ADGRL3: variants seen among roughly 807,000 people sequenced by gnomAD.
ADGRL3 encodes the protein adhesion G protein-coupled receptor L3, also known as calcium-independent alpha-latrotoxin receptor 3.
ADGRL3 carries 62 observed loss-of-function variants against 153.5 expected under a neutral mutation model. The observed-to-expected ratio is 0.40, with a 90% confidence interval of 0.33 to 0.50. The LOEUF is 0.50. Ranked by LOEUF, ADGRL3 falls within the 20% of genes least tolerant of loss-of-function variation. The pLI is 0.47. For missense variants in ADGRL3, 1,641 were observed against 1,859.4 expected (o/e 0.88, Z 2.16); for synonymous variants, 710 against 672.5 (o/e 1.06, Z -0.86).
At chr4:61,927,596 T>A (rs1172500410) in intron 13 of ADGRL3, among the ~76,000 whole-genome samples, 1 of 152,148 alleles carries the variant, frequency 6.6e-6, no homozygotes, top group African/African-American at 2.4e-5. Context: ...TTATAAAAAG[T>A]ACCTTAGGTT....
chr4:61,393,439 T>G (rs1048459178), intron 2 of ADGRL3, among the ~76,000 whole-genome samples: 4 of 152,138 alleles, frequency 2.6e-5, no homozygotes, highest in Non-Finnish European at 4.4e-5. Context: ...AGATGTAATT[T>G]AGATTAAGCA....
At position 61,912,748 on chromosome 4, in the gene ADGRL3, C is replaced by T. The variant is rs1239702267; in HGVS notation, c.2103C>T (p.Ala701=). Residue 701 remains alanine (A), a synonymous_variant, in exon 13 of 27, where the codon GCC becomes GCT. Coordinates refer to ENST00000683033, the MANE Select transcript of ADGRL3 (RefSeq NM_001387552.1). ...AGAAAAGAGAGCGCTCTTGCAGAGC[C>T]TATGTCCAGGTACTTTCTGCGTTTT... ...KLQKRERSCR[A]YVQAMVETVN... The T allele has an allele frequency of 6.2e-7, 1 of 1,613,032 alleles. No individual in the cohort carries two copies. The highest frequency in any genetic ancestry group is 8.5e-7 in the Non-Finnish European group (1 of 1,179,350).
chr4:61,867,438 T>C (rs1175606920), intron 9 of ADGRL3, among the ~76,000 whole-genome samples: 2 of 148,666 alleles, frequency 1.3e-5, no homozygotes, highest in Non-Finnish European at 3.0e-5. Context: ...AGGTGGAGGT[T>C]GCAGCGCACC....
intron 1 of ADGRL3, among the ~76,000 whole-genome samples, chr4:61,249,412 C>T (rs1319319390): frequency 1.3e-5 from 2 of 152,104 alleles, no homozygotes; most frequent in South Asian, 2.1e-4. Flanking sequence ...TCTGGAGAGA[C>T]CAAAGCTCCT....
chr4:61,438,700 A>G (rs2097485512), intron 2 of ADGRL3, among the ~76,000 whole-genome samples: 1 of 119,080 alleles, frequency 8.4e-6, no homozygotes, highest in Non-Finnish European at 1.7e-5. Context: ...CTATGCTACG[A>G]TCTTTCTTTC....
At chr4:61,452,661 A>G (rs187163671) in intron 2 of ADGRL3, among the ~76,000 whole-genome samples, 2 of 152,212 alleles carry the variant, frequency 1.3e-5, no homozygotes, top group African/African-American at 4.8e-5. Flanking sequence ...CGAATCCTCT[A>G]TTTTTCTCAT....
intron 21 of ADGRL3, among the ~76,000 whole-genome samples, chr4:62,025,608 T>A (rs1314462694): frequency 6.6e-6 from 1 of 152,120 alleles, no homozygotes; most frequent in Non-Finnish European, 1.5e-5. Context: ...CGTTGTTGAT[T>A]GAGGAAAAGC....
intron 25 of ADGRL3, among the ~76,000 whole-genome samples, chr4:62,067,662 AAATG>A (rs1743699677): frequency 6.6e-6 from 1 of 152,096 alleles, no homozygotes; most frequent in Non-Finnish European, 1.5e-5. Flanking sequence ...AGGCGGGAAA[AAATG>A]AACACAATTA....
chr4:61,616,908 G>C (rs902766926), intron 5 of ADGRL3, among the ~76,000 whole-genome samples: 1 of 151,896 alleles, frequency 6.6e-6, no homozygotes, highest in African/African-American at 2.4e-5. Context: ...TTCTGCCTCA[G>C]CCTCCCAATT....
intron 25 of ADGRL3, among the ~76,000 whole-genome samples, chr4:62,051,700 T>A (rs1474736614): frequency 1.3e-5 from 2 of 151,648 alleles, no homozygotes; most frequent in African/African-American, 2.4e-5. Context: ...TTTTAAAAAT[T>A]GTATTTAATT....
chr4:61,573,914 T>C lies in ADGRL3; in HGVS notation c.260-13313T>C, dbSNP rs575505903. Among the ~76,000 whole-genome samples the C allele has an allele frequency of 7.9e-5, 12 of 152,186 alleles. No homozygotes were observed. In the East Asian group the frequency reaches 2.3e-3, roughly 29 times the overall value. ...TTTAACAACCGCTAACCTTTCTTTC[T>C]TGAAAGCTCAAGTGGCAGAATAGCA... On this transcript the variant is annotated intron_variant, in intron 4 of 26. Transcript: ENST00000683033.
intron 1 of ADGRL3, among the ~76,000 whole-genome samples, chr4:61,290,095 T>C (rs1479381014): frequency 2.0e-5 from 3 of 152,116 alleles, no homozygotes; most frequent in Admixed American, 6.6e-5. Context: ...TGTGGGTCTT[T>C]GTGTGTCCAC....
intron 21 of ADGRL3, among the ~76,000 whole-genome samples, chr4:62,008,600 T>G (rs924440795): frequency 2.0e-5 from 3 of 151,896 alleles, no homozygotes; most frequent in African/African-American, 7.2e-5. Flanking sequence ...TTGAAAAATA[T>G]AACATTATTA....
chr4:61,749,191 A>T (rs1354021875), intron 8 of ADGRL3, among the ~76,000 whole-genome samples: 1 of 152,094 alleles, frequency 6.6e-6, no homozygotes, highest in African/African-American at 2.4e-5. Flanking sequence ...AATGGCAATC[A>T]TTAAAAAGTC....
In ADGRL3 at chr4:61,808,792, C is replaced by CTTT. The variant is rs79256517; in HGVS notation, c.1400-5004_1400-5002dup. On this transcript the variant is annotated intron_variant, in intron 8 of 26. Transcript: ENST00000683033. The stretch of plus-strand genomic sequence containing the variant: ...AGATTATTTCCAACAAGAAATCGGG[C>CTTT]TTTTTTTTTTTTTTTAAGGATCAGA... 3.9e-3 allele frequency among the ~76,000 whole-genome samples: 501 copies of CTTT among 128,846 alleles called. 5 individuals carry two copies. Among genetic ancestry groups the CTTT allele is most frequent in the African/African-American group, 0.013 (443 of 35,052 alleles). The allele number at this position is 128,846 out of a possible 152,430, so 84.5% of individuals were successfully genotyped here. A position where few individuals can be genotyped will look rare whatever the true frequency, so the allele number is the denominator to read the frequency against.
chr4:61,270,213 C>T (rs990292400), intron 1 of ADGRL3, among the ~76,000 whole-genome samples: 1 of 151,520 alleles, frequency 6.6e-6, no homozygotes, highest in African/African-American at 2.4e-5. Flanking sequence ...ATGTCAGAGG[C>T]CCAGAAATAA....
intron 4 of ADGRL3, among the ~76,000 whole-genome samples, chr4:61,580,041 A>T (rs2098917209): frequency 6.6e-6 from 1 of 152,104 alleles, no homozygotes; most frequent in Non-Finnish European, 1.5e-5. Flanking sequence ...TATTTAAGAA[A>T]ATTATGTCAA....
chr4:62,024,022 A>C (rs567083105), intron 21 of ADGRL3, among the ~76,000 whole-genome samples: 50 of 152,284 alleles, frequency 3.3e-4, no homozygotes, highest in South Asian at 6.2e-4. Flanking sequence ...CTCCTTATTG[A>C]TACCCTTAAC....
intron 11 of ADGRL3, among the ~76,000 whole-genome samples, chr4:61,903,650 C>CAAAAAAAAAAAAAAAAAAAAA (rs55879235): frequency 1.4e-5 from 1 of 72,342 alleles, no homozygotes; most frequent in Non-Finnish European, 2.2e-5. Context: ...TGGGAAACAG[C>CAAAAAAAAAAAAAAAAAAAAA]AAAAAAAAAA....
Sources: gnomAD v4.1 joint callset for allele counts (sites outside exome capture counted in the v4.1 genomes callset) on GRCh38, gnomAD v4.1.1 for gene constraint, MANE v1.5 for transcripts, NCBI Gene and HGNC (gene_info 2026-07-23, HGNC 2026-07-21) for gene names.